The following FTCDNL1 variants were observed in gnomAD, a reference collection of about 807,000 sequenced individuals.
The protein encoded by FTCDNL1 is formiminotransferase N-terminal subdomain-containing protein.
FTCDNL1 carries 11 observed loss-of-function variants against 5.9 expected under a neutral mutation model. The ratio of observed to expected loss-of-function variants is 1.87; its 90% CI spans 1.18 to 3.10. The LOEUF is 3.10. FTCDNL1 is among the 30% of genes most tolerant of loss of function. FTCDNL1 has a pLI of 0.00. For missense variants in FTCDNL1, 115 were observed against 65.5 expected (o/e 1.76, Z -2.61); for synonymous variants, 58 against 24.8 (o/e 2.34, Z -3.99).
chr2:199,794,458 C>T (rs1310474270), intron 3 of FTCDNL1, among the ~76,000 whole-genome samples: 1 of 152,204 alleles, frequency 6.6e-6, no homozygotes, highest in Non-Finnish European at 1.5e-5. Context: ...AACCTTGCAT[C>T]TTTCAGTGAA....
chr2:199,795,240 T>C (rs1010407662), intron 3 of FTCDNL1, among the ~76,000 whole-genome samples: 6 of 152,320 alleles, frequency 3.9e-5, no homozygotes, highest in South Asian at 4.1e-4. Flanking sequence ...TGAGTAATCT[T>C]GTAATTTGTC....
chr2:199,713,727 T>G, the FTCDNL1 span, among the ~76,000 whole-genome samples: 2 of 152,346 alleles, frequency 1.3e-5, no homozygotes, highest in South Asian at 4.1e-4. Context: ...TGCTAAAAGT[T>G]ATACCTAAGG....
At chr2:199,813,943 A>C (rs1035362610) in intron 4 of FTCDNL1, among the ~76,000 whole-genome samples, 1 of 147,594 alleles carries the variant, frequency 6.8e-6, no homozygotes, top group Admixed American at 6.8e-5. Context: ...AAAAAAAAAA[A>C]TACTTTTTTA....
intron 3 of FTCDNL1, among the ~76,000 whole-genome samples, chr2:199,781,204 C>T (rs778405025): frequency 1.3e-5 from 2 of 152,222 alleles, no homozygotes; most frequent in Non-Finnish European, 2.9e-5. Flanking sequence ...TTTGACCAAA[C>T]AGCCAGGATA....
chr2:199,795,631 A>G (rs1215488069), intron 3 of FTCDNL1, among the ~76,000 whole-genome samples: 1 of 151,408 alleles, frequency 6.6e-6, no homozygotes, highest in Non-Finnish European at 1.5e-5. Flanking sequence ...ACAAATATTT[A>G]TTAAATAAGT....
chr2:199,689,574 C>T, the FTCDNL1 span, among the ~76,000 whole-genome samples: 2 of 152,112 alleles, frequency 1.3e-5, no homozygotes, highest in Non-Finnish European at 2.9e-5. Flanking sequence ...TGGCCCATAA[C>T]CTCACCCCTG....
At chr2:199,775,297 T>C (rs766762303) in intron 3 of FTCDNL1, among the ~76,000 whole-genome samples, 9 of 152,180 alleles carry the variant, frequency 5.9e-5, no homozygotes, top group African/African-American at 1.9e-4. Flanking sequence ...GAAGGAAAAG[T>C]TGAAAACAAT....
downstream of FTCDNL1, among the ~76,000 whole-genome samples, chr2:199,757,231 C>T (rs952349465): frequency 1.3e-5 from 2 of 152,066 alleles, no homozygotes; most frequent in African/African-American, 4.8e-5. Context: ...AATATAAGAA[C>T]CCTTCTAGGA....
chr2:199,711,065 A>T, the FTCDNL1 span, among the ~76,000 whole-genome samples: 108,680 of 151,956 alleles, frequency 0.72, 39,525 homozygotes, highest in South Asian at 0.9. Context: ...TAAGAAATAG[A>T]TATTAATAAG....
the FTCDNL1 span, among the ~76,000 whole-genome samples, chr2:199,742,435 G>A: frequency 5.9e-5 from 9 of 152,214 alleles, no homozygotes; most frequent in South Asian, 2.1e-4. Context: ...GGGGATCAAC[G>A]CCTGGAGAAT....
the FTCDNL1 span, among the ~76,000 whole-genome samples, chr2:199,729,216 G>A: frequency 0.027 from 4,147 of 152,280 alleles, 186 homozygotes; most frequent in African/African-American, 0.094. Flanking sequence ...TATTTCTAAA[G>A]TCCATTCCTT....
At chr2:199,677,722 A>G in the FTCDNL1 span, among the ~76,000 whole-genome samples, 1 of 152,240 alleles carries the variant, frequency 6.6e-6, no homozygotes, top group South Asian at 2.1e-4. Flanking sequence ...AAGGTCACAA[A>G]TTGTGAAATG....
At position 199,778,149 on chromosome 2, in the gene FTCDNL1, G is replaced by T. The variant is rs75294269; in HGVS notation, c.212-17314C>A. On this transcript the variant is annotated intron_variant, in intron 3 of 3. Coordinates refer to the FTCDNL1 transcript ENST00000416668. ...TGAAGCTATCACCATACACAAAGAAGAATAATTTAGGAGATCACAACCAGC... is the reference window on the plus strand; with the variant it reads ...TGAAGCTATCACCATACACAAAGAATAATAATTTAGGAGATCACAACCAGC... Among the ~76,000 whole-genome samples the T allele has an allele frequency of 1.1e-4, 17 of 152,264 alleles. No homozygotes were observed. In the East Asian group the frequency reaches 2.1e-3, roughly 19 times the overall value.
At chr2:199,769,528 T>C (rs1465664573) in intron 3 of FTCDNL1, among the ~76,000 whole-genome samples, 1 of 152,206 alleles carries the variant, frequency 6.6e-6, no homozygotes, top group African/African-American at 2.4e-5. Context: ...CTTTCCTTGA[T>C]AAATTACTCA....
At chr2:199,774,326 A>G (rs1345532494) in intron 3 of FTCDNL1, among the ~76,000 whole-genome samples, 1 of 152,228 alleles carries the variant, frequency 6.6e-6, no homozygotes, top group African/African-American at 2.4e-5. Context: ...CAGCATCTTC[A>G]GGATCCAGTC....
At chr2:199,676,232 T>C in the FTCDNL1 span, among the ~76,000 whole-genome samples, 1 of 152,154 alleles carries the variant, frequency 6.6e-6, no homozygotes, top group South Asian at 2.1e-4. Context: ...CAACCGGAAG[T>C]CTCCATTTCT....
At position 199,812,602 on chromosome 2, in the gene FTCDNL1, C is replaced by T. The variant is rs957409139; in HGVS notation, c.*103G>A. The stretch of plus-strand genomic sequence containing the variant: ...AAGTTTGTTTCTCAGTTTGCAGTTT[C>T]GCTCCACTCCCGCCTCCCGCAGATT... On this transcript the variant is annotated 3_prime_UTR_variant, in exon 5 of 5. Transcript: ENST00000420128. The T allele has an allele frequency of 5.1e-4, 265 of 515,346 alleles. 2 individuals are homozygous for T. Among genetic ancestry groups the T allele is most frequent in the Non-Finnish European group, 1.5e-4 (43 of 289,034 alleles). 31.9% of individuals were successfully genotyped at this position (515,346 alleles called of 1,614,324 possible). A position where few individuals can be genotyped will look rare whatever the true frequency, so the allele number is the denominator to read the frequency against.
At chr2:199,831,717 T>C (rs1326087458) in intron 3 of FTCDNL1, among the ~76,000 whole-genome samples, 1 of 152,196 alleles carries the variant, frequency 6.6e-6, no homozygotes, top group Non-Finnish European at 1.5e-5. Flanking sequence ...GAACCAGGAA[T>C]GAGAGTAGTG....
the FTCDNL1 span, among the ~76,000 whole-genome samples, chr2:199,687,191 G>T: frequency 6.6e-6 from 1 of 151,884 alleles, no homozygotes; most frequent in Non-Finnish European, 1.5e-5. Context: ...TGTAGTTGGA[G>T]TTTTTTTTCT....
Sources: allele counts gnomAD v4.1 joint callset (sites outside exome capture counted in the v4.1 genomes callset), GRCh38; gene constraint gnomAD v4.1.1; transcripts MANE v1.5; gene names NCBI Gene and HGNC (gene_info 2026-07-23, HGNC 2026-07-21).